Variants in RREB1 observed in about 807,000 individuals in gnomAD.
RREB1 encodes the protein ras responsive element binding protein 1.
RREB1 carries 27 observed loss-of-function variants against 117.8 expected under a neutral mutation model. The ratio of observed to expected loss-of-function variants is 0.23; its 90% CI spans 0.17 to 0.32. RREB1 has a LOEUF of 0.32. Ranked by LOEUF, RREB1 falls within the 10% of genes least tolerant of loss-of-function variation. RREB1 has a pLI of 1.00. For missense variants in RREB1, 2,577 were observed against 2,378.2 expected (o/e 1.08, Z -1.74); for synonymous variants, 1,298 against 1,026.7 (o/e 1.26, Z -5.05).
At chr6:7,231,948 C>G (rs745572413) in intron 10 of RREB1, 41 bp downstream of exon 10, 2 of 1,534,904 alleles carry the variant, frequency 1.3e-6, no homozygotes, top group Admixed American at 1.9e-5. Context: ...AGTCCTACTT[C>G]CTGGTAGGGG....
chr6:7,147,540 T>G (rs559785387), intron 1 of RREB1, among the ~76,000 whole-genome samples: 1 of 152,326 alleles, frequency 6.6e-6, no homozygotes, highest in South Asian at 2.1e-4. Flanking sequence ...CTTTGCCTTG[T>G]TTTCTTTCTC....
chr6:7,112,639 G>T (rs762668420), intron 1 of RREB1, among the ~76,000 whole-genome samples: 36 of 152,112 alleles, frequency 2.4e-4, no homozygotes, highest in Non-Finnish European at 4.6e-4. Flanking sequence ...GGAGGCATAC[G>T]GTGTGCTCTC....
Position 7,250,782 on chromosome 6 carries a change from T to C in RREB1, c.*1814T>C, listed in dbSNP as rs763224783. 6 of 152,056 alleles carry C rather than the reference T, an allele frequency of 3.9e-5. No homozygotes were observed. The highest frequency in any genetic ancestry group is 5.9e-5 in the Non-Finnish European group (4 of 68,006). 9.4% of individuals were successfully genotyped at this position (152,056 alleles called of 1,614,324 possible). A position where few individuals can be genotyped will look rare whatever the true frequency, so the allele number is the denominator to read the frequency against. ...AGGAAGATAGATATTCTTGAGATAA[T>C]GAAAAGTGATATCTTCGCATACGAA... On this transcript the variant is annotated 3_prime_UTR_variant, in exon 13 of 13. Transcript: ENST00000379938.
At chr6:7,179,796 G>GT (rs111361161) in intron 2 of RREB1, among the ~76,000 whole-genome samples, 44,524 of 147,510 alleles carry the variant, frequency 0.3, 7,535 homozygotes, top group African/African-American at 0.48. Flanking sequence ...TTGAAACACA[G>GT]TTTTTTTTTT....
chr6:7,176,479 A>T (rs568985611), intron 1 of RREB1, among the ~76,000 whole-genome samples, 176 bp from the exon 2 acceptor site: 1 of 152,236 alleles, frequency 6.6e-6, no homozygotes, highest in South Asian at 2.1e-4. Context: ...TCTTACTTGG[A>T]TGTTAATGGG....
At chr6:7,168,483 TTAAC>T (rs1764066129) in intron 1 of RREB1, among the ~76,000 whole-genome samples, 1 of 152,156 alleles carries the variant, frequency 6.6e-6, no homozygotes, top group African/African-American at 2.4e-5. Context: ...TGCTTTTTAA[TTAAC>T]TAGTGGTTAC....
At chr6:7,181,776 T>C in intron 3 of RREB1, 94 bp from the exon 4 acceptor site, 1 of 869,662 alleles carries the variant, frequency 1.1e-6, no homozygotes, top group Middle Eastern at 2.3e-4. Context: ...GTTTTTGACC[T>C]GAATTACAAT....
intron 5 of RREB1, among the ~76,000 whole-genome samples, chr6:7,188,063 G>A (rs547401219): frequency 6.6e-6 from 1 of 152,118 alleles, no homozygotes; most frequent in African/African-American, 2.4e-5. Context: ...CAGTTACTTG[G>A]GAGGCTGAGA....
chr6:7,126,212 G>C (rs528380134), intron 1 of RREB1, among the ~76,000 whole-genome samples: 1 of 152,162 alleles, frequency 6.6e-6, no homozygotes, highest in African/African-American at 2.4e-5. Flanking sequence ...ATGTTGGTCA[G>C]GCTGGCCTTG....
At position 7,251,523 on chromosome 6, in the gene RREB1, A is replaced by G. The variant is rs1453757113; in HGVS notation, c.*2555A>G. On this transcript the variant is annotated 3_prime_UTR_variant, in exon 13 of 13. Transcript: ENST00000379938. ...TTTTTTTTTTTTTTCTCATTGATTAATGGACATGATGCTGAGATTCAATCA... is the reference window on the plus strand; with the variant it reads ...TTTTTTTTTTTTTTCTCATTGATTAGTGGACATGATGCTGAGATTCAATCA... The G allele has an allele frequency of 1.5e-5, 2 of 132,794 alleles. No individual in the cohort carries two copies. The highest frequency in any genetic ancestry group is 3.1e-5 in the Non-Finnish European group (2 of 65,300). 8.2% of individuals were successfully genotyped at this position (132,794 alleles called of 1,614,324 possible). A position where few individuals can be genotyped will look rare whatever the true frequency, so the allele number is the denominator to read the frequency against.
intron 1 of RREB1, among the ~76,000 whole-genome samples, chr6:7,134,391 G>C (rs1376089804): frequency 6.6e-6 from 1 of 152,170 alleles, no homozygotes. Context: ...GTGAATGTTA[G>C]GAATGATGTG....
At chr6:7,151,701 C>G (rs1274830000) in intron 1 of RREB1, among the ~76,000 whole-genome samples, 2 of 152,228 alleles carry the variant, frequency 1.3e-5, no homozygotes, top group Admixed American at 6.5e-5. Flanking sequence ...CACTGCAGTT[C>G]CCTGCAGGGT....
chr6:7,224,531 G>A (rs1359581133), intron 8 of RREB1, among the ~76,000 whole-genome samples: 2 of 152,120 alleles, frequency 1.3e-5, no homozygotes, highest in East Asian at 1.9e-4. Context: ...AAGTGGGGGT[G>A]GGAGAAGGAA....
intron 6 of RREB1, among the ~76,000 whole-genome samples, chr6:7,204,823 A>G (rs1396596508): frequency 1.3e-5 from 2 of 152,170 alleles, no homozygotes; most frequent in African/African-American, 4.8e-5. Flanking sequence ...TTCACATGCA[A>G]ATTACATACG....
chr6:7,122,447 G>A (rs1355919344), intron 1 of RREB1, among the ~76,000 whole-genome samples: 3 of 152,168 alleles, frequency 2.0e-5, no homozygotes, highest in African/African-American at 7.2e-5. Context: ...TAAAATTTTT[G>A]TAGAGGTGGG....
chr6:7,137,533 C>T (rs1470437664), intron 1 of RREB1, among the ~76,000 whole-genome samples: 1 of 152,212 alleles, frequency 6.6e-6, no homozygotes, highest in Non-Finnish European at 1.5e-5. Context: ...AACACATAGG[C>T]AGATGAAACT....
intron 1 of RREB1, among the ~76,000 whole-genome samples, chr6:7,138,595 G>T (rs1762438658): frequency 6.6e-6 from 1 of 152,192 alleles, no homozygotes; most frequent in African/African-American, 2.4e-5. Flanking sequence ...TTATGTATCT[G>T]TTTGGCCCTG....
intron 1 of RREB1, among the ~76,000 whole-genome samples, chr6:7,166,597 T>C (rs997576910): frequency 2.0e-5 from 3 of 152,206 alleles, no homozygotes; most frequent in Non-Finnish European, 4.4e-5. Context: ...TGACCACAGC[T>C]GACCACTTTT....
At chr6:7,233,310 G>T (rs942645502) in intron 10 of RREB1, among the ~76,000 whole-genome samples, 2 of 152,162 alleles carry the variant, frequency 1.3e-5, no homozygotes, top group African/African-American at 4.8e-5. Flanking sequence ...TATATAAATG[G>T]CCATACAACT....
Sources: allele counts gnomAD v4.1 joint callset (sites outside exome capture counted in the v4.1 genomes callset), GRCh38; gene constraint gnomAD v4.1.1; transcripts MANE v1.5; gene names NCBI Gene and HGNC (gene_info 2026-07-23, HGNC 2026-07-21).